ZC3H11A: variants seen among roughly 807,000 people sequenced by gnomAD.
The protein encoded by ZC3H11A is zinc finger CCCH-type containing 11A.
A neutral mutation model predicts 90.8 loss-of-function variants in ZC3H11A; 22 were observed. The ratio of observed to expected loss-of-function variants is 0.24; its 90% CI spans 0.17 to 0.35. The LOEUF is 0.35. Ranked by LOEUF, ZC3H11A falls within the 10% of genes least tolerant of loss-of-function variation. The probability of loss-of-function intolerance (pLI) is 1.00; values close to 1 mark genes in which losing one functional copy is unlikely to be tolerated. For missense variants in ZC3H11A, 701 were observed against 964.9 expected (o/e 0.73, Z 3.62); for synonymous variants, 294 against 339.8 (o/e 0.87, Z 1.48).
At chr1:203,819,089 T>TACAC (rs200302232) in intron 4 of ZC3H11A, among the ~76,000 whole-genome samples, 25,238 of 140,796 alleles carry the variant, frequency 0.18, 2,324 homozygotes, top group Admixed American at 0.2. Context: ...TATATATATA[T>TACAC]ACACACACAC....
chr1:203,842,815 CTG>C (rs1395217069), intron 12 of ZC3H11A, among the ~76,000 whole-genome samples: 3 of 150,828 alleles, frequency 2.0e-5, no homozygotes, highest in African/African-American at 7.3e-5. Flanking sequence ...TATATTCTTT[CTG>C]TGTTATAATT....
intron 1 of ZC3H11A, chr1:203,796,157 C>G: frequency 3.1e-6 from 1 of 318,578 alleles, no homozygotes; most frequent in East Asian, 4.8e-5. Flanking sequence ...ACTGTTCCCC[C>G]GAATCCCGAA....
At chr1:203,825,952 A>G (rs1680384137) in intron 4 of ZC3H11A, among the ~76,000 whole-genome samples, 1 of 152,240 alleles carries the variant, frequency 6.6e-6, no homozygotes, top group South Asian at 2.1e-4. Flanking sequence ...TGTATTAAAC[A>G]GATCAAATAA....
chr1:203,833,176 C>T lies in ZC3H11A; in HGVS notation c.812-615C>T, dbSNP rs530907966. On this transcript the variant is annotated intron_variant, in intron 9 of 17. Coordinates refer to ENST00000367210, the MANE Select transcript of ZC3H11A (RefSeq NM_001376342.1). ...CAAGGTCAGAAATTCGAGACCAGCC[C>T]GACCAACGCGGTGAAACCTTGTCTC... 3.9e-5 allele frequency among the ~76,000 whole-genome samples: 6 copies of T among 152,076 alleles called. No homozygotes were observed. The East Asian group carries it at 5.8e-4, about 15-fold the overall frequency.
intron 4 of ZC3H11A, among the ~76,000 whole-genome samples, chr1:203,823,188 T>A (rs886432108): frequency 6.6e-6 from 1 of 152,180 alleles, no homozygotes; most frequent in Non-Finnish European, 1.5e-5. Context: ...TTCTCTAGGA[T>A]GTATTCAGAG....
At chr1:203,823,990 C>T (rs973493963) in intron 4 of ZC3H11A, among the ~76,000 whole-genome samples, 2 of 152,036 alleles carry the variant, frequency 1.3e-5, no homozygotes, top group East Asian at 1.9e-4. Context: ...AGAGGGAAGC[C>T]GGGCGCCGTG....
chr1:203,848,314 C>A lies in ZC3H11A; in HGVS notation c.1547-17C>A, dbSNP rs770362520. On this transcript the variant is annotated splice_polypyrimidine_tract_variant and intron_variant, in intron 13 of 17. Transcript: ENST00000367210. ...GCTTAAATAAAATAACTAATGATGT[C>A]TTTAATGTGAATACAGGGATGAAAG... 6 of 1,596,078 alleles carry A rather than the reference C, an allele frequency of 3.8e-6. No individual in the cohort carries two copies. In the South Asian group the frequency reaches 6.9e-5, roughly 18 times the overall value.
Position 203,838,066 on chromosome 1 carries a change from T to C in ZC3H11A, c.973+2T>C. 6.2e-7 allele frequency: 1 copy of C among 1,613,934 alleles called. No homozygotes were observed. Among genetic ancestry groups the C allele is most frequent in the Non-Finnish European group, 8.5e-7 (1 of 1,179,812 alleles). On this transcript the variant is annotated splice_donor_variant, in intron 11 of 17. Transcript: ENST00000367210. LOFTEE classifies it high-confidence loss of function. ...ACATTGACAAAACACCAAAGAAAGG[T>C]ACCTGTGTTCTTACATACTTTGTGT...
intron 9 of ZC3H11A, among the ~76,000 whole-genome samples, chr1:203,832,705 A>G (rs1006571395): frequency 2.6e-5 from 4 of 152,210 alleles, no homozygotes; most frequent in African/African-American, 9.6e-5. Context: ...CTAATAAGGA[A>G]TTATAGATAT....
At chr1:203,813,375 T>G (rs890963792) in intron 2 of ZC3H11A, among the ~76,000 whole-genome samples, 33 of 152,158 alleles carry the variant, frequency 2.2e-4, no homozygotes, top group Non-Finnish European at 3.7e-4. Context: ...CCTGGCTAAA[T>G]TTTAATGGTT....
chr1:203,845,420 T>C (rs1237918199), intron 12 of ZC3H11A, among the ~76,000 whole-genome samples: 1 of 152,240 alleles, frequency 6.6e-6, no homozygotes, highest in Admixed American at 6.5e-5. Flanking sequence ...AAGTGAGTGC[T>C]TCCTTTGCAA....
chr1:203,830,001 A>T (rs963873600), intron 7 of ZC3H11A, 105 bp downstream of exon 7: 1 of 1,271,652 alleles, frequency 7.9e-7, no homozygotes, highest in Non-Finnish European at 1.1e-6. Flanking sequence ...TGCTACACGC[A>T]TACTTACCTA....
chr1:203,807,404 G>GCC (rs1672745427), intron 2 of ZC3H11A, among the ~76,000 whole-genome samples: 1 of 152,134 alleles, frequency 6.6e-6, no homozygotes, highest in Non-Finnish European at 1.5e-5. Context: ...TCCAGCGTCA[G>GCC]CCCCCTGAGT....
At chr1:203,805,568 G>C (rs1284882400) in intron 2 of ZC3H11A, 11 of 607,464 alleles carry the variant, frequency 1.8e-5, no homozygotes, top group Non-Finnish European at 3.6e-5. Context: ...GGAAAGATCA[G>C]TATTTCATAG....
At chr1:203,835,714 T>C (rs770719137) in intron 10 of ZC3H11A, 3 of 255,582 alleles carry the variant, frequency 1.2e-5, no homozygotes, top group Non-Finnish European at 2.5e-5. Context: ...ATGACTCTGG[T>C]TTTGTTTGGT....
rs189303556 is a variant in ZC3H11A at position 203,808,404 on chromosome 1, A to G, written c.-146+5388A>G. Among the ~76,000 whole-genome samples, 279 of 152,270 alleles carry G rather than the reference A, an allele frequency of 1.8e-3. 2 individuals carry two copies. The highest frequency in any genetic ancestry group is 5.9e-3 in the African/African-American group (246 of 41,550). On this transcript the variant is annotated intron_variant, in intron 2 of 17. Coordinates refer to ENST00000367210, the MANE Select transcript of ZC3H11A (RefSeq NM_001376342.1). ...ACCATTGGAATTCAAAAATTTTACC[A>G]TGTCTGTGTATAGCAGAGATGTCTT...
chr1:203,833,934 C>T, intron 10 of ZC3H11A, 81 bp downstream of exon 10: 1 of 1,509,476 alleles, frequency 6.6e-7, no homozygotes, highest in South Asian at 1.3e-5. Context: ...TCTTTTTATA[C>T]AGATCTTTGT....
At chr1:203,810,483 G>C (rs1237489755) in intron 2 of ZC3H11A, among the ~76,000 whole-genome samples, 1 of 149,376 alleles carries the variant, frequency 6.7e-6, no homozygotes, top group Non-Finnish European at 1.5e-5. Flanking sequence ...GCAGTGGCGC[G>C]ATCTCAGCTC....
At chr1:203,839,708 A>G (rs756132183) in intron 11 of ZC3H11A, among the ~76,000 whole-genome samples, 1 of 152,214 alleles carries the variant, frequency 6.6e-6, no homozygotes, top group Non-Finnish European at 1.5e-5. Flanking sequence ...TTTCAATGAC[A>G]GTAAGGTTTT....
Sources: gnomAD v4.1 joint callset for allele counts (sites outside exome capture counted in the v4.1 genomes callset) on GRCh38, gnomAD v4.1.1 for gene constraint, MANE v1.5 for transcripts, NCBI Gene and HGNC (gene_info 2026-07-23, HGNC 2026-07-21) for gene names.